SOX6: variants seen among roughly 807,000 people sequenced by gnomAD.
SOX6 encodes the protein SRY-box transcription factor 6.
A neutral mutation model predicts 97.8 loss-of-function variants in SOX6; 11 were observed. The observed-to-expected ratio is 0.11, with a 90% CI of 0.07 to 0.19. The LOEUF (loss-of-function observed/expected upper bound fraction) is 0.19. Among genes scored for constraint, SOX6 ranks in the 10% least tolerant of loss-of-function variants. SOX6 has a pLI of 1.00. For missense variants in SOX6, 810 were observed against 1,039.5 expected, an observed-to-expected ratio of 0.78 and a Z score of 3.04; for synonymous variants, 360 against 371.4, an observed-to-expected ratio of 0.97 and a Z score of 0.35.
At chr11:16,185,569 G>A (rs1269553344) in intron 5 of SOX6, among the ~76,000 whole-genome samples, 1 of 152,146 alleles carries the variant, frequency 6.6e-6, no homozygotes, top group Non-Finnish European at 1.5e-5. Context: ...TTGCCAATAG[G>A]TTGAGCTACA....
At chr11:16,274,386 ATCCT>A (rs1203288966) in intron 3 of SOX6, among the ~76,000 whole-genome samples, 1 of 152,066 alleles carries the variant, frequency 6.6e-6, no homozygotes, top group Non-Finnish European at 1.5e-5. Context: ...CCACTCACTT[ATCCT>A]TCCATTTGTA....
At chr11:16,000,577 A>G (rs550944538) in intron 13 of SOX6, among the ~76,000 whole-genome samples, 4 of 145,868 alleles carry the variant, frequency 2.7e-5, no homozygotes, top group Admixed American at 7.1e-5. Flanking sequence ...GAGGAAAACC[A>G]TAAGTAAAGT....
chr11:16,485,549 G>T (rs1310109803), intron 4 of SOX6, among the ~76,000 whole-genome samples: 1 of 151,958 alleles, frequency 6.6e-6, no homozygotes, highest in Non-Finnish European at 1.5e-5. Context: ...GGTCAACATG[G>T]TGAAACCCTG....
At chr11:16,530,693 A>G (rs1861225507) in intron 4 of SOX6, among the ~76,000 whole-genome samples, 1 of 152,164 alleles carries the variant, frequency 6.6e-6, no homozygotes, top group East Asian at 1.9e-4. Context: ...GAAATATCCC[A>G]GCTCCACACT....
intron 1 of SOX6, among the ~76,000 whole-genome samples, chr11:16,374,894 C>G (rs1043550680): frequency 8.6e-5 from 13 of 152,026 alleles, no homozygotes; most frequent in African/African-American, 2.9e-4. Flanking sequence ...CTTCAAACTT[C>G]TCTCCACGAT....
intron 3 of SOX6, among the ~76,000 whole-genome samples, chr11:16,646,865 T>C (rs939907952): frequency 2.0e-4 from 31 of 152,228 alleles, no homozygotes; most frequent in African/African-American, 7.0e-4. Context: ...AAGTATCTTT[T>C]TTGTATAATG....
chr11:16,296,283 A>G (rs1375442654), intron 3 of SOX6, among the ~76,000 whole-genome samples: 1 of 152,112 alleles, frequency 6.6e-6, no homozygotes, highest in African/African-American at 2.4e-5. Context: ...TTACTCAGAT[A>G]TTTTAAATGT....
intron 3 of SOX6, among the ~76,000 whole-genome samples, chr11:16,291,732 T>C (rs1854924579): frequency 6.6e-6 from 1 of 152,132 alleles, no homozygotes; most frequent in Non-Finnish European, 1.5e-5. Context: ...ACATTTTAAA[T>C]GACTTCAAAA....
intron 3 of SOX6, among the ~76,000 whole-genome samples, chr11:16,274,881 T>C (rs765318240): frequency 6.6e-6 from 1 of 152,110 alleles, no homozygotes; most frequent in Non-Finnish European, 1.5e-5. Context: ...CTTATTATTA[T>C]GTCATTAAGT....
chr11:16,429,403 T>C (rs1334738770), intron 1 of SOX6, among the ~76,000 whole-genome samples: 1 of 152,128 alleles, frequency 6.6e-6, no homozygotes, highest in African/African-American at 2.4e-5. Context: ...CTATTCTCAA[T>C]AGCAAAGACA....
chr11:16,109,670 A>G (rs7936618), intron 7 of SOX6, among the ~76,000 whole-genome samples: 3,984 of 152,322 alleles, frequency 0.026, 175 homozygotes, highest in African/African-American at 0.091. Context: ...TTTCTCTACT[A>G]ATAGCGTAAG....
chr11:16,031,643 AATC>A (rs996205055), intron 12 of SOX6: 4 of 152,102 alleles, frequency 2.6e-5, no homozygotes, highest in Non-Finnish European at 5.9e-5. Context: ...CTTGCAGAAA[AATC>A]ATCAATGATC....
At chr11:16,232,413 C>T (rs1852880667) in intron 4 of SOX6, among the ~76,000 whole-genome samples, 1 of 151,604 alleles carries the variant, frequency 6.6e-6, no homozygotes, top group African/African-American at 2.4e-5. Context: ...CCATAAGAAA[C>T]TCAGAATAAC....
chr11:16,400,075 A>T (rs529960615), intron 1 of SOX6, among the ~76,000 whole-genome samples: 11 of 151,624 alleles, frequency 7.3e-5, no homozygotes, highest in African/African-American at 2.7e-4. Flanking sequence ...ACCATTCAAT[A>T]AATATTGTTG....
intron 4 of SOX6, among the ~76,000 whole-genome samples, chr11:16,603,841 G>A (rs900228535): frequency 3.9e-5 from 6 of 152,168 alleles, no homozygotes; most frequent in African/African-American, 1.4e-4. Context: ...AAAAATCCAA[G>A]ACAAGGCTAC....
At chr11:16,505,903 G>A (rs1289383157) in intron 4 of SOX6, among the ~76,000 whole-genome samples, 1 of 152,216 alleles carries the variant, frequency 6.6e-6, no homozygotes, top group Non-Finnish European at 1.5e-5. Flanking sequence ...TGAGGCTTGG[G>A]AGCCTCTGCC....
chr11:16,484,093 C>T (rs1227217899), intron 4 of SOX6: 1 of 769,834 alleles, frequency 1.3e-6, no homozygotes, highest in Non-Finnish European at 2.4e-6. Context: ...TTAACTTCTC[C>T]TGAATGAGGT....
intron 13 of SOX6, among the ~76,000 whole-genome samples, chr11:16,000,958 G>C (rs1333315895): frequency 6.6e-6 from 1 of 152,096 alleles, no homozygotes; most frequent in Non-Finnish European, 1.5e-5. Context: ...CTGGATTCAA[G>C]CGATTCTCCT....
chr11:16,392,511 G>A (rs1278487075), intron 1 of SOX6, among the ~76,000 whole-genome samples: 1 of 152,078 alleles, frequency 6.6e-6, no homozygotes, highest in African/African-American at 2.4e-5. Context: ...TAATGTGCCA[G>A]AAGATCAGAA....
Sources: gnomAD v4.1 joint callset for allele counts (sites outside exome capture counted in the v4.1 genomes callset) on GRCh38, gnomAD v4.1.1 for gene constraint, MANE v1.5 for transcripts, NCBI Gene and HGNC (gene_info 2026-07-23, HGNC 2026-07-21) for gene names.